Variants in ABCB1 observed in about 807,000 individuals in gnomAD.
The protein encoded by ABCB1 is ATP-dependent translocase ABCB1.
A neutral mutation model predicts 142.0 loss-of-function variants in ABCB1; 69 were observed. The ratio of observed to expected loss-of-function variants is 0.49; its 90% confidence interval spans 0.40 to 0.59. The LOEUF is 0.59. Ranked by LOEUF, ABCB1 falls within the 20% of genes least tolerant of loss-of-function variation. The probability of loss-of-function intolerance (pLI) is 0.00; values close to 1 mark genes in which losing one functional copy is unlikely to be tolerated. For missense variants in ABCB1, 1,326 were observed against 1,554.7 expected, an observed-to-expected ratio of 0.85 and a Z score of 2.47; for synonymous variants, 532 against 539.2, an observed-to-expected ratio of 0.99 and a Z score of 0.18.
At chr7:87,573,990 C>T (rs1162610961) in intron 4 of ABCB1, among the ~76,000 whole-genome samples, 1 of 152,160 alleles carries the variant, frequency 6.6e-6, no homozygotes, top group Non-Finnish European at 1.5e-5. Flanking sequence ...TGAGATTAAG[C>T]TCCACCCTTT....
At chr7:87,700,697 C>T (rs1240779825) in intron 1 of ABCB1, 8 of 715,802 alleles carry the variant, frequency 1.1e-5, no homozygotes, top group African/African-American at 1.8e-5. Context: ...GATGTTTCTA[C>T]ATTTCTTGAA....
intron 1 of ABCB1, among the ~76,000 whole-genome samples, chr7:87,685,190 G>A (rs780855316): frequency 4.6e-5 from 7 of 152,092 alleles, no homozygotes; most frequent in Non-Finnish European, 5.9e-5. Flanking sequence ...TCACATGTTT[G>A]ACAAAGGGAT....
At chr7:87,625,254 C>T (rs371773338) in intron 1 of ABCB1, among the ~76,000 whole-genome samples, 1 of 149,148 alleles carries the variant, frequency 6.7e-6, no homozygotes, top group East Asian at 2.0e-4. Flanking sequence ...GAGACTGCGT[C>T]TCAAAAAAAA....
rs750696034 is a variant in ABCB1 at position 87,549,939 on chromosome 7, C to A, written c.1466G>T (p.Arg489Leu). The A allele has an allele frequency of 5.6e-6, 9 of 1,614,068 alleles. No homozygotes were observed. Among genetic ancestry groups the A allele is most frequent in the Admixed American group, 3.3e-5 (2 of 59,998 alleles). ...LFATTIAENIRYGRENVTMDE... is the reference protein window; with the variant it reads ...LFATTIAENILYGRENVTMDE... The stretch of plus-strand genomic sequence containing the variant: ...CATGGTGACATTTTCACGGCCATAG[C>A]GAATGTTTTCAGCTATCGTGGTGGC... The change falls in exon 13 of 28, where the codon CGC becomes CTC. Residue 489 changes from arginine to leucine, a missense_variant. By Grantham distance (102) the Arg-to-Leu change is moderately radical. Transcript: ENST00000622132.
Position 87,615,325 on chromosome 7 carries a change from G to A in ABCB1, c.-330-14247C>T, listed in dbSNP as rs1584924718. On this transcript the variant is annotated intron_variant, in intron 1 of 28. Coordinates refer to the ABCB1 transcript ENST00000265724. ...GTGCTGTGTGTTTAGTCCACTGAGA[G>A]TTAACAAGAGGCCAGTGTGGCTGGA... Among the ~76,000 whole-genome samples, 6 of 152,326 alleles carry A rather than the reference G, an allele frequency of 3.9e-5. No individual in the cohort carries two copies. In the Middle Eastern group the frequency reaches 0.01, roughly 259 times the overall value.
chr7:87,681,266 T>C (rs1018593637), intron 1 of ABCB1, among the ~76,000 whole-genome samples: 1 of 150,642 alleles, frequency 6.6e-6, no homozygotes, highest in African/African-American at 2.5e-5. Flanking sequence ...AAGGTAATAA[T>C]AGTAATCCTA....
upstream of ABCB1, among the ~76,000 whole-genome samples, chr7:87,602,253 A>G (rs1819488096): frequency 1.3e-5 from 2 of 149,742 alleles, no homozygotes; most frequent in South Asian, 4.2e-4. Flanking sequence ...TCGGCCTCCC[A>G]AAGTGCAGGG....
intron 1 of ABCB1, among the ~76,000 whole-genome samples, chr7:87,642,511 A>C (rs1175594034): frequency 6.6e-6 from 1 of 152,066 alleles, no homozygotes; most frequent in Admixed American, 6.5e-5. Flanking sequence ...TTTAATTGGG[A>C]GTTCTTTCAT....
chr7:87,586,153 T>A (rs1324135960), intron 3 of ABCB1, among the ~76,000 whole-genome samples: 2 of 152,116 alleles, frequency 1.3e-5, no homozygotes, highest in Non-Finnish European at 2.9e-5. Context: ...GGTATAAAGG[T>A]AAAATGATTT....
intron 1 of ABCB1, among the ~76,000 whole-genome samples, chr7:87,625,080 C>A (rs1289209675): frequency 6.6e-6 from 1 of 152,046 alleles, no homozygotes; most frequent in Non-Finnish European, 1.5e-5. Context: ...CACGGTGAAA[C>A]CCCGTCTCTA....
intron 1 of ABCB1, among the ~76,000 whole-genome samples, chr7:87,678,730 G>GA (rs1826624485): frequency 6.6e-6 from 1 of 152,032 alleles, no homozygotes; most frequent in African/African-American, 2.4e-5. Flanking sequence ...TAAAAGGATA[G>GA]AAAAAGTTAT....
chr7:87,604,545 G>A (rs1432312177), upstream of ABCB1, among the ~76,000 whole-genome samples: 2 of 151,986 alleles, frequency 1.3e-5, no homozygotes, highest in African/African-American at 2.4e-5. Flanking sequence ...TTAAATGACT[G>A]TACTTGATAG....
intron 27 of ABCB1, among the ~76,000 whole-genome samples, chr7:87,505,040 T>G (rs938167939): frequency 6.6e-6 from 1 of 152,106 alleles, no homozygotes; most frequent in African/African-American, 2.4e-5. Context: ...CATGGCTTAC[T>G]GCAGCCTCAA....
At chr7:87,582,515 T>C (rs897432484) in intron 4 of ABCB1, among the ~76,000 whole-genome samples, 6 of 152,254 alleles carry the variant, frequency 3.9e-5, no homozygotes, top group Non-Finnish European at 7.3e-5. Flanking sequence ...CAGAATGCTC[T>C]AATACAAATT....
chr7:87,543,737 T>C (rs1468502866), intron 17 of ABCB1, among the ~76,000 whole-genome samples: 3 of 152,234 alleles, frequency 2.0e-5, no homozygotes, highest in Non-Finnish European at 2.9e-5. Context: ...GGAAAGTATG[T>C]ATGTTAGAGA....
chr7:87,612,485 T>C (rs1003271272), intron 1 of ABCB1, among the ~76,000 whole-genome samples: 1 of 152,080 alleles, frequency 6.6e-6, no homozygotes, highest in African/African-American at 2.4e-5. Flanking sequence ...CATGTGACTA[T>C]CCAATTTTCT....
At chr7:87,579,180 T>G (rs1342586509) in intron 4 of ABCB1, among the ~76,000 whole-genome samples, 2 of 152,252 alleles carry the variant, frequency 1.3e-5, no homozygotes, top group Admixed American at 6.5e-5. Context: ...AGGGATAATT[T>G]GACTTCTTCC....
intron 1 of ABCB1, among the ~76,000 whole-genome samples, chr7:87,623,618 T>C (rs951072497): frequency 5.9e-5 from 9 of 152,336 alleles, no homozygotes; most frequent in Middle Eastern, 3.4e-3. Flanking sequence ...TTTGGAATGG[T>C]CTTTCTGCTT....
chr7:87,639,777 G>C (rs1014471724), intron 1 of ABCB1, among the ~76,000 whole-genome samples: 7 of 151,742 alleles, frequency 4.6e-5, no homozygotes, highest in Admixed American at 1.3e-4. Flanking sequence ...CTCTTTCTGG[G>C]CTCTTATATT....
Sources: gnomAD v4.1 joint callset for allele counts (sites outside exome capture counted in the v4.1 genomes callset) on GRCh38, gnomAD v4.1.1 for gene constraint, MANE v1.5 for transcripts, NCBI Gene and HGNC (gene_info 2026-07-23, HGNC 2026-07-21) for gene names.